The following OR6B3 variants were observed in gnomAD, a reference collection of about 807,000 sequenced individuals.
OR6B3 encodes olfactory receptor 6B3.
For missense variants in OR6B3, 315 were observed against 427.4 expected, an observed-to-expected ratio of 0.74 and a Z score of 2.32; for synonymous variants, 148 against 187.8, an observed-to-expected ratio of 0.79 and a Z score of 1.73.
At chr2:240,050,123 A>T (rs1215950546), upstream of OR6B3, among the ~76,000 whole-genome samples, 1 of 152,164 alleles carries the variant, frequency 6.6e-6, no homozygotes, top group Non-Finnish European at 1.5e-5. Context: ...ATGTAGGATA[A>T]ACTCACCTGG....
upstream of OR6B3, among the ~76,000 whole-genome samples, chr2:240,051,316 A>C (rs2106528825): frequency 6.6e-6 from 1 of 152,358 alleles, no homozygotes; most frequent in South Asian, 2.1e-4. Flanking sequence ...TTAGAAGATG[A>C]TTAAAAGCAA....
At chr2:240,052,653 C>T in the OR6B3 span, among the ~76,000 whole-genome samples, 2 of 152,184 alleles carry the variant, frequency 1.3e-5, no homozygotes, top group African/African-American at 4.8e-5. This position sits in a 1 kb window ranked among gnomAD's most constrained non-coding sequence, Gnocchi z 4.5. Flanking sequence ...ACAGAGCCTG[C>T]GATGCCTGCC....
downstream of OR6B3, chr2:240,045,055 T>C: frequency 1.9e-6 from 3 of 1,541,422 alleles, no homozygotes; most frequent in Non-Finnish European, 2.6e-6. Flanking sequence ...ACTACAATAA[T>C]GCAAACAGTC....
chr2:240,050,737 AG>A (rs752975020), upstream of OR6B3, among the ~76,000 whole-genome samples: 3 of 68,060 alleles, frequency 4.4e-5, no homozygotes, highest in African/African-American at 1.4e-4. Context: ...AAAAAAAAAA[AG>A]GAAAAAAAAA....
chr2:240,045,541 A>C, exon 2 of OR6B3: 1 of 1,584,574 alleles, frequency 6.3e-7, no homozygotes, highest in Non-Finnish European at 8.7e-7. Context: ...ATGTCACAGA[A>C]GAAGTGGTTC....
chr2:240,052,593 C>T, the OR6B3 span, among the ~76,000 whole-genome samples: 4 of 151,944 alleles, frequency 2.6e-5, no homozygotes, highest in Admixed American at 2.0e-4. The surrounding 1 kb of genome is among the most constrained non-coding windows in gnomAD (Gnocchi z 4.5). Flanking sequence ...TGCTAAAAAC[C>T]AACCGGGTCT....
At chr2:240,050,222 G>A (rs770156482), upstream of OR6B3, among the ~76,000 whole-genome samples, 1 of 152,222 alleles carries the variant, frequency 6.6e-6, no homozygotes, top group South Asian at 2.1e-4. Context: ...CAAGATGCAC[G>A]ACAAAAAACT....
upstream of OR6B3, among the ~76,000 whole-genome samples, chr2:240,047,717 T>A (rs955160991): frequency 1.3e-5 from 2 of 152,250 alleles, no homozygotes; most frequent in East Asian, 3.8e-4. Flanking sequence ...AAAAATTCAA[T>A]AAGTCAACAT....
chr2:240,048,622 A>G (rs1418569722), upstream of OR6B3, among the ~76,000 whole-genome samples: 1 of 152,172 alleles, frequency 6.6e-6, no homozygotes, highest in Non-Finnish European at 1.5e-5. Flanking sequence ...ACCATGCAGT[A>G]GAAACTCCAC....
exon 2 of OR6B3, chr2:240,045,816 A>G (rs1698179285): frequency 6.2e-7 from 1 of 1,600,332 alleles, no homozygotes; most frequent in Non-Finnish European, 8.6e-7. Flanking sequence ...CTGCTGGAGG[A>G]GGAAGCCCTC....
chr2:240,046,341 C>T (rs533528899), intron 1 of OR6B3, among the ~76,000 whole-genome samples: 34 of 152,268 alleles, frequency 2.2e-4, no homozygotes, highest in Admixed American at 9.1e-4. Flanking sequence ...CTGTCACCAC[C>T]AGTCTCCCTC....
intron 1 of OR6B3, among the ~76,000 whole-genome samples, chr2:240,046,499 G>A (rs894656775): frequency 5.3e-5 from 8 of 152,140 alleles, no homozygotes; most frequent in Non-Finnish European, 8.8e-5. Context: ...TGAGTCTGAC[G>A]CATTCTTTCT....
upstream of OR6B3, among the ~76,000 whole-genome samples, chr2:240,047,534 G>A (rs533000151): frequency 4.6e-5 from 7 of 152,312 alleles, no homozygotes; most frequent in Non-Finnish European, 7.3e-5. Flanking sequence ...TGTCCTGAGG[G>A]GCAGAGCAGG....
chr2:240,048,590 C>T (rs1431243532), upstream of OR6B3, among the ~76,000 whole-genome samples: 1 of 152,102 alleles, frequency 6.6e-6, no homozygotes, highest in Non-Finnish European at 1.5e-5. Flanking sequence ...CACTACTGAC[C>T]AAGGCACCAA....
upstream of OR6B3, among the ~76,000 whole-genome samples, chr2:240,050,922 T>C (rs1318948522): frequency 1.3e-5 from 2 of 152,178 alleles, no homozygotes; most frequent in African/African-American, 4.8e-5. Context: ...TATACACTTT[T>C]GTTTAGAAAA....
upstream of OR6B3, among the ~76,000 whole-genome samples, chr2:240,051,553 G>T (rs940664788): frequency 1.3e-5 from 2 of 152,182 alleles, no homozygotes; most frequent in African/African-American, 4.8e-5. Context: ...TTACAAAATA[G>T]CAAATTCCTG....
At chr2:240,045,309 A>C (rs1181245173) in exon 2 of OR6B3, 1 of 1,614,102 alleles carries the variant, frequency 6.2e-7, no homozygotes, top group Non-Finnish European at 8.5e-7. Flanking sequence ...CATGAAAAGC[A>C]AGGCTGTATA....
downstream of OR6B3, among the ~76,000 whole-genome samples, chr2:240,044,681 C>G (rs1212547942): frequency 6.6e-6 from 1 of 152,238 alleles, no homozygotes. Context: ...AGAGAACATT[C>G]GTTGGGTATA....
chr2:240,048,134 A>G (rs1207708942), upstream of OR6B3, among the ~76,000 whole-genome samples: 3 of 152,222 alleles, frequency 2.0e-5, no homozygotes, highest in Non-Finnish European at 4.4e-5. Flanking sequence ...GTTGGCATGC[A>G]GTATTCGTTC....
Sources: allele counts gnomAD v4.1 joint callset (sites outside exome capture counted in the v4.1 genomes callset), GRCh38; gene constraint gnomAD v4.1.1; non-coding constraint Gnocchi (gnomAD v3.1); transcripts MANE v1.5; gene names NCBI Gene and HGNC (gene_info 2026-07-23, HGNC 2026-07-21).